The following GNL2 variants were observed in gnomAD, a reference collection of about 807,000 sequenced individuals.
GNL2 encodes nucleolar GTP-binding protein 2.
In GNL2, 51 loss-of-function variants were observed where a neutral mutation model predicts 92.3. The ratio of observed to expected loss-of-function variants is 0.55; its 90% CI spans 0.44 to 0.70. The LOEUF is 0.70. Ranked by LOEUF, GNL2 falls within the 30% of genes least tolerant of loss-of-function variation. The probability of loss-of-function intolerance (pLI) is 0.00; values close to 1 mark genes in which losing one functional copy is unlikely to be tolerated. For missense variants in GNL2, 844 were observed against 895.6 expected (o/e 0.94, Z 0.74); for synonymous variants, 283 against 300.6 (o/e 0.94, Z 0.61).
chr1:37,582,518 A>T (rs1288787107), intron 7 of GNL2, among the ~76,000 whole-genome samples, 182 bp from the exon 8 acceptor site: 1 of 152,238 alleles, frequency 6.6e-6, no homozygotes. Context: ...CTTCTGTCTT[A>T]TAAATACAAA....
intron 12 of GNL2, among the ~76,000 whole-genome samples, chr1:37,572,219 G>A (rs1028012779): frequency 2.0e-5 from 3 of 151,934 alleles, no homozygotes; most frequent in Non-Finnish European, 4.4e-5. Context: ...ATGTTTATCT[G>A]CCTACTGTCT....
Position 37,574,385 on chromosome 1 carries a change from G to A in GNL2, c.1374C>T (p.Phe458=). 1 of 1,614,072 alleles carries A rather than the reference G, an allele frequency of 6.2e-7. No homozygotes were observed. The highest frequency in any genetic ancestry group is 8.5e-7 in the Non-Finnish European group (1 of 1,179,988). Residue 458 remains phenylalanine, a synonymous_variant, in exon 12 of 16, where the codon TTC becomes TTT. Transcript: ENST00000373062. Reference sequence around the variant, plus strand: ...GCTCTGCATTGGGTGGCTTGACAAAGAAAGGAATCCGGCCCCTCTGCCAGT... The same window carrying A: ...GCTCTGCATTGGGTGGCTTGACAAAAAAAGGAATCCGGCCCCTCTGCCAGT... ...LNDWQRGRIP[F]FVKPPNAEPL... is the part of the protein sequence containing the mutation.
intron 4 of GNL2, 59 bp from the exon 5 acceptor site, chr1:37,587,554 G>C (rs1256332355): frequency 9.1e-7 from 1 of 1,104,962 alleles, no homozygotes; most frequent in East Asian, 2.4e-5. Flanking sequence ...AAAGCAAAAA[G>C]CTCAACACCC....
At chr1:37,576,113 A>G (rs1327521869) in intron 9 of GNL2, 1 of 327,762 alleles carries the variant, frequency 3.1e-6, no homozygotes, top group African/African-American at 2.2e-5. Flanking sequence ...GAGGCTTCTT[A>G]ACCCAGGCAT....
At chr1:37,572,651 C>A (rs1027180319) in intron 12 of GNL2, among the ~76,000 whole-genome samples, 1 of 152,174 alleles carries the variant, frequency 6.6e-6, no homozygotes, top group Non-Finnish European at 1.5e-5. Context: ...CCCTGTGCAC[C>A]TCTTCCACTG....
intron 3 of GNL2, among the ~76,000 whole-genome samples, chr1:37,591,784 G>C (rs1176532418): frequency 6.6e-6 from 1 of 152,182 alleles, no homozygotes; most frequent in Non-Finnish European, 1.5e-5. Context: ...TGGGATTACA[G>C]GCGTGAGCCA....
intron 6 of GNL2, 22 bp downstream of exon 6, chr1:37,583,845 G>C: frequency 1.5e-6 from 2 of 1,370,208 alleles, no homozygotes; most frequent in Non-Finnish European, 1.0e-6. Flanking sequence ...CCACTCAATG[G>C]GAGAGAATTT....
intron 12 of GNL2, among the ~76,000 whole-genome samples, chr1:37,573,535 T>C (rs538956794): frequency 9.2e-5 from 14 of 152,348 alleles, no homozygotes; most frequent in African/African-American, 3.1e-4. Flanking sequence ...CACTCTCCTT[T>C]CCCACTGGAT....
At chr1:37,583,790 T>C in intron 6 of GNL2, 77 bp downstream of exon 6, 2 of 847,900 alleles carry the variant, frequency 2.4e-6, no homozygotes. Context: ...AGCTTCAATA[T>C]ATCAAAATTA....
At chr1:37,593,503 T>G (rs1643900718) in intron 2 of GNL2, 2 of 391,514 alleles carry the variant, frequency 5.1e-6, no homozygotes, top group Non-Finnish European at 9.1e-6. Flanking sequence ...AATGCGCCAT[T>G]TGTGGAGGTC....
At chr1:37,572,890 T>G (rs1228860369) in intron 12 of GNL2, among the ~76,000 whole-genome samples, 3 of 152,144 alleles carry the variant, frequency 2.0e-5, no homozygotes, top group Non-Finnish European at 1.5e-5. Context: ...CTGAATTAAA[T>G]TGTTGGGACA....
chr1:37,576,025 C>T (rs1247710283), intron 9 of GNL2: 2 of 305,940 alleles, frequency 6.5e-6, no homozygotes, highest in African/African-American at 4.4e-5. Flanking sequence ...GACCTCATTG[C>T]CTTTAAGCAA....
At chr1:37,572,641 C>G (rs549486316) in intron 12 of GNL2, among the ~76,000 whole-genome samples, 37 of 152,286 alleles carry the variant, frequency 2.4e-4, no homozygotes, top group African/African-American at 8.9e-4. Flanking sequence ...CCATACCTTA[C>G]CCTGTGCACC....
At chr1:37,587,641 G>T in intron 4 of GNL2, 146 bp from the exon 5 acceptor site, 1 of 508,542 alleles carries the variant, frequency 2.0e-6, no homozygotes, top group Non-Finnish European at 3.4e-6. Flanking sequence ...GTTTCAGTCT[G>T]GTTTCAAATC....
At position 37,568,151 on chromosome 1, in the gene GNL2, G is replaced by A. The variant is rs569633427; in HGVS notation, c.1951+124C>T. Reference sequence around the variant, plus strand: ...TTGCATAACACTATGTAAATTTAAAGTAATCTGCCAGATATGACAAACATT... The same window carrying A: ...TTGCATAACACTATGTAAATTTAAAATAATCTGCCAGATATGACAAACATT... On this transcript the variant is annotated intron_variant, in intron 14 of 15. Transcript: ENST00000373062. 9.6e-4 allele frequency: 623 copies of A among 648,284 alleles called. 4 individuals are homozygous for A. The highest frequency in any genetic ancestry group is 1.2e-3 in the Non-Finnish European group (423 of 361,642). 40.2% of individuals were successfully genotyped at this position (648,284 alleles called of 1,614,324 possible).
At chr1:37,580,566 T>C (rs982585504) in intron 8 of GNL2, among the ~76,000 whole-genome samples, 4 of 152,206 alleles carry the variant, frequency 2.6e-5, no homozygotes, top group Middle Eastern at 3.4e-3. Context: ...AGAGGTCCTA[T>C]AAATAAGAGG....
rs556690435 is a variant in GNL2, at chr1:37,585,059, C to CT, written c.570-1127dup. On this transcript the variant is annotated intron_variant, in intron 5 of 15. Coordinates refer to ENST00000373062, the MANE Select transcript of GNL2 (RefSeq NM_013285.3). Reference sequence around the variant, plus strand: ...ATCACATCAAATGGTTAGAAGAGTACTTTTTTTTTTTTTTTTTTGAGACGG... The same window carrying CT: ...ATCACATCAAATGGTTAGAAGAGTACTTTTTTTTTTTTTTTTTTTGAGACGG... Among the ~76,000 whole-genome samples the CT allele has an allele frequency of 2.5e-3, 310 of 125,784 alleles. 2 individuals are homozygous for CT. Among genetic ancestry groups the CT allele is most frequent in the Middle Eastern group, 4.3e-3 (1 of 232 alleles). 82.5% of individuals were successfully genotyped at this position (125,784 alleles called of 152,430 possible).
chr1:37,574,152 A>G (rs1019563122), intron 12 of GNL2, among the ~76,000 whole-genome samples, 191 bp downstream of exon 12: 1 of 152,178 alleles, frequency 6.6e-6, no homozygotes, highest in African/African-American at 2.4e-5. Flanking sequence ...CGGCCTCCCA[A>G]AGTGCTGGGA....
At chr1:37,585,402 T>C (rs1436651979) in intron 5 of GNL2, among the ~76,000 whole-genome samples, 1 of 151,698 alleles carries the variant, frequency 6.6e-6, no homozygotes, top group Non-Finnish European at 1.5e-5. Context: ...AACATTAAAC[T>C]AAAAAAAAGC....
Sources: gnomAD v4.1 joint callset for allele counts (sites outside exome capture counted in the v4.1 genomes callset) on GRCh38, gnomAD v4.1.1 for gene constraint, MANE v1.5 for transcripts, NCBI Gene and HGNC (gene_info 2026-07-23, HGNC 2026-07-21) for gene names.